The following PDE4D variants were observed in gnomAD, a reference collection of about 807,000 sequenced individuals.
PDE4D encodes the protein 3',5'-cyclic-AMP phosphodiesterase 4D.
Under a neutral mutation model 87.4 loss-of-function variants are expected in PDE4D, and 24 were observed. That is an observed-to-expected ratio of 0.27 (90% confidence interval 0.20 to 0.39). PDE4D has a LOEUF of 0.39. PDE4D is among the 10% of genes least tolerant of loss of function. PDE4D has a pLI of 1.00. For synonymous variants in PDE4D, 384 were observed against 383.2 expected (o/e 1.00, Z -0.02); for missense variants, 714 against 1,041.0 (o/e 0.69, Z 4.32).
At chr5:60,102,833 C>A (rs1776369995) in intron 2 of PDE4D, among the ~76,000 whole-genome samples, 1 of 152,076 alleles carries the variant, frequency 6.6e-6, no homozygotes, top group Non-Finnish European at 1.5e-5. Context: ...TGGCCATGAC[C>A]AACCAGAAGA....
intron 1 of PDE4D, among the ~76,000 whole-genome samples, chr5:59,372,714 G>T (rs1784118144): frequency 6.6e-6 from 1 of 152,176 alleles, no homozygotes; most frequent in East Asian, 1.9e-4. Flanking sequence ...GCCCACCTCT[G>T]TAAGCTGCAT....
At chr5:59,259,512 C>T (rs1021410758) in intron 1 of PDE4D, among the ~76,000 whole-genome samples, 1 of 151,872 alleles carries the variant, frequency 6.6e-6, no homozygotes, top group Admixed American at 6.6e-5. Flanking sequence ...TAGCCATTAA[C>T]TTTTACATGG....
chr5:59,443,471 T>G (rs1028914120), intron 1 of PDE4D, among the ~76,000 whole-genome samples: 3 of 152,198 alleles, frequency 2.0e-5, no homozygotes, highest in African/African-American at 7.2e-5. Flanking sequence ...CATGTTCCAT[T>G]TAGAAATAAA....
chr5:59,215,288 A>G (rs1750982239), intron 2 of PDE4D, among the ~76,000 whole-genome samples: 1 of 152,176 alleles, frequency 6.6e-6, no homozygotes, highest in Non-Finnish European at 1.5e-5. Context: ...AGTCCCACAA[A>G]GATTTCTTAA....
In PDE4D at chr5:59,888,441, T is replaced by C. The variant is rs541663958; in HGVS notation, c.455+4727A>G. On this transcript the variant is annotated intron_variant, in intron 1 of 14. Coordinates refer to ENST00000340635, the MANE Select transcript of PDE4D (RefSeq NM_001104631.2). ...ATGAAGTTACCAAGACAATATTCTA[T>C]TGGAGGCAAATCAAGAATAAAAGGT... Among the ~76,000 whole-genome samples the C allele has an allele frequency of 2.6e-5, 4 of 152,344 alleles. No individual in the cohort carries two copies. The East Asian group carries it at 5.8e-4, about 22-fold the overall frequency.
At chr5:60,114,002 G>A (rs1046299966) in intron 2 of PDE4D, among the ~76,000 whole-genome samples, 3 of 152,104 alleles carry the variant, frequency 2.0e-5, no homozygotes, top group African/African-American at 7.2e-5. Flanking sequence ...TAGAGTGGCA[G>A]TACCTAATAA....
intron 1 of PDE4D, among the ~76,000 whole-genome samples, chr5:59,306,213 G>A (rs1771326784): frequency 6.6e-6 from 1 of 152,132 alleles, no homozygotes; most frequent in African/African-American, 2.4e-5. Flanking sequence ...AGCTACCTCT[G>A]CTGGCTTTTG....
intron 6 of PDE4D, among the ~76,000 whole-genome samples, chr5:58,997,071 G>A (rs1749387908): frequency 1.3e-5 from 2 of 152,128 alleles, no homozygotes; most frequent in South Asian, 2.1e-4. Flanking sequence ...AATATTTGAA[G>A]CAATTACTTC....
intron 2 of PDE4D, among the ~76,000 whole-genome samples, chr5:60,134,634 G>A (rs1449627298): frequency 6.6e-6 from 1 of 152,188 alleles, no homozygotes; most frequent in Non-Finnish European, 1.5e-5. Context: ...AAATGGCATA[G>A]TGTTTGCCTA....
At chr5:60,206,272 C>T (rs1396930854) in intron 1 of PDE4D, among the ~76,000 whole-genome samples, 3 of 152,132 alleles carry the variant, frequency 2.0e-5, no homozygotes, top group East Asian at 1.9e-4. Context: ...AAAGCCTTCC[C>T]GATTACCTTT....
upstream of PDE4D, among the ~76,000 whole-genome samples, chr5:59,894,814 C>G (rs770617706): frequency 1.3e-5 from 2 of 152,158 alleles, no homozygotes; most frequent in Non-Finnish European, 2.9e-5. Context: ...TTTTGTCTTC[C>G]TTTAATTAGC....
chr5:60,277,798 C>G (rs1227972467), intron 1 of PDE4D, among the ~76,000 whole-genome samples: 6 of 152,092 alleles, frequency 3.9e-5, no homozygotes, highest in African/African-American at 1.2e-4. Flanking sequence ...GTATCAAAGT[C>G]TATTGGTTTT....
At chr5:60,302,457 G>C (rs1053998347) in intron 1 of PDE4D, among the ~76,000 whole-genome samples, 1 of 152,160 alleles carries the variant, frequency 6.6e-6, no homozygotes, top group Non-Finnish European at 1.5e-5. Flanking sequence ...TATATACATA[G>C]AGGTGTTTAA....
In PDE4D at chr5:58,991,817, T is replaced by C. The variant is rs1747991195; in HGVS notation, c.1188+15A>G. 1.1e-5 allele frequency: 16 copies of C among 1,427,096 alleles called. No homozygotes were observed. The highest frequency in any genetic ancestry group is 1.4e-5 in the Non-Finnish European group (15 of 1,080,332). 88.4% of individuals were successfully genotyped at this position (1,427,096 alleles called of 1,614,324 possible). A position where few individuals can be genotyped will look rare whatever the true frequency, so the allele number is the denominator to read the frequency against. On this transcript the variant is annotated intron_variant, in intron 8 of 14. Transcript: ENST00000340635. ...CATTTAATATTTATGATCCTGATCT[T>C]TGAAATCATCATACCTTGGCAAGGA...
At chr5:59,951,150 T>C (rs1369483126) in intron 3 of PDE4D, among the ~76,000 whole-genome samples, 2 of 152,122 alleles carry the variant, frequency 1.3e-5, no homozygotes, top group African/African-American at 4.8e-5. Context: ...TAGATATTGA[T>C]AGTAAATAGA....
rs114815152 is a variant in PDE4D, at chr5:59,966,567, C to A, written c.272+21921G>T. ...TTTGTGGTTGTGATCTGAGGCTAATCGAAGTAGTCATTTTCCAGATGAAAA... is the reference window on the plus strand; with the variant it reads ...TTTGTGGTTGTGATCTGAGGCTAATAGAAGTAGTCATTTTCCAGATGAAAA... On this transcript the variant is annotated intron_variant, in intron 3 of 16. Coordinates refer to the PDE4D transcript ENST00000502484. Among the ~76,000 whole-genome samples, 438 of 152,210 alleles carry A rather than the reference C, an allele frequency of 2.9e-3. 3 individuals are homozygous for A. Among genetic ancestry groups the A allele is most frequent in the Non-Finnish European group, 4.6e-3 (311 of 68,000 alleles).
intron 1 of PDE4D, among the ~76,000 whole-genome samples, chr5:59,534,564 C>T (rs1038884868): frequency 1.7e-4 from 26 of 152,158 alleles, no homozygotes; most frequent in African/African-American, 6.0e-4. Context: ...GTTGAAGACT[C>T]TTTCCACAAG....
upstream of PDE4D, chr5:60,490,551 C>G (rs927841071): frequency 6.6e-6 from 1 of 152,226 alleles, no homozygotes; most frequent in Non-Finnish European, 1.5e-5. Context: ...GCATCATTCT[C>G]AATTCATCAG....
intron 3 of PDE4D, among the ~76,000 whole-genome samples, chr5:59,935,596 A>AAC (rs1306060589): frequency 9.2e-5 from 14 of 152,320 alleles, no homozygotes; most frequent in Admixed American, 3.9e-4. Flanking sequence ...TTGCATCCAG[A>AAC]ACACATTTTA....
Sources: allele counts gnomAD v4.1 joint callset (sites outside exome capture counted in the v4.1 genomes callset), GRCh38; gene constraint gnomAD v4.1.1; transcripts MANE v1.5; gene names NCBI Gene and HGNC (gene_info 2026-07-23, HGNC 2026-07-21).